Variants in NSG2 observed in about 807,000 individuals in gnomAD.
The protein encoded by NSG2 is neuronal vesicle trafficking associated 2, also known as neuronal vesicle trafficking-associated protein 2.
NSG2 carries 4 observed loss-of-function variants against 16.9 expected under a neutral mutation model. The observed-to-expected ratio is 0.24, with a 90% CI of 0.12 to 0.54. The LOEUF (loss-of-function observed/expected upper bound fraction) is 0.54. Ranked by LOEUF, NSG2 falls within the 20% of genes least tolerant of loss-of-function variation. The pLI, the probability that NSG2 is intolerant of heterozygous loss-of-function variation, is 0.95. For missense variants in NSG2, 179 were observed against 221.1 expected (o/e 0.81, Z 1.21); for synonymous variants, 98 against 88.7 (o/e 1.11, Z -0.59).
At chr5:174,106,399 C>G (rs1293948302) in intron 4 of NSG2, among the ~76,000 whole-genome samples, 1 of 151,924 alleles carries the variant, frequency 6.6e-6, no homozygotes, top group Admixed American at 6.6e-5. Flanking sequence ...GCATGTTCGC[C>G]TCACACCTTT....
chr5:174,067,123 G>A (rs775794900), intron 3 of NSG2, among the ~76,000 whole-genome samples: 3 of 151,698 alleles, frequency 2.0e-5, no homozygotes, highest in Non-Finnish European at 4.4e-5. Flanking sequence ...TTGGAGCTAT[G>A]AAAAATTACA....
intron 2 of NSG2, among the ~76,000 whole-genome samples, chr5:174,053,779 G>C (rs1055668371): frequency 6.6e-6 from 1 of 152,056 alleles, no homozygotes; most frequent in Non-Finnish European, 1.5e-5. Context: ...CTACCAAATT[G>C]GCACAAAAAA....
chr5:174,046,564 T>C (rs534404521), intron 1 of NSG2, 170 bp from the exon 2 acceptor site: 19 of 588,366 alleles, frequency 3.2e-5, no homozygotes, highest in Non-Finnish European at 4.7e-5. Flanking sequence ...AAAGAAGTTT[T>C]GTTGGACAAT....
At chr5:174,077,552 A>G (rs573899470) in intron 3 of NSG2, among the ~76,000 whole-genome samples, 6 of 152,236 alleles carry the variant, frequency 3.9e-5, no homozygotes, top group Admixed American at 3.9e-4. Flanking sequence ...TTCTACTCCG[A>G]ATGCTTTTCT....
At chr5:174,089,589 C>T (rs1031158080) in intron 3 of NSG2, among the ~76,000 whole-genome samples, 7 of 151,966 alleles carry the variant, frequency 4.6e-5, no homozygotes, top group African/African-American at 1.2e-4. Flanking sequence ...TCCTGACCCA[C>T]GAGGAAAGAA....
Position 174,107,514 on chromosome 5 carries a change from C to T in NSG2, c.*9C>T. 2 of 1,603,706 alleles carry T rather than the reference C, an allele frequency of 1.2e-6. No homozygotes were observed. The highest frequency in any genetic ancestry group is 1.7e-6 in the Non-Finnish European group (2 of 1,173,314). On this transcript the variant is annotated 3_prime_UTR_variant, in exon 5 of 5. Coordinates refer to ENST00000303177, the MANE Select transcript of NSG2 (RefSeq NM_015980.5). The surrounding 1 kb of genome is among the most constrained non-coding windows in gnomAD (Gnocchi z 4.5). ...AGACCCAGGGCCACTAGAGGCCTGC[C>T]CCAGCCAGAATGGGGGGCGGGGTGG...
At chr5:174,080,481 C>CTCT (rs1380995241) in intron 3 of NSG2, among the ~76,000 whole-genome samples, 29 of 149,872 alleles carry the variant, frequency 1.9e-4, no homozygotes, top group African/African-American at 6.6e-4. Context: ...CTTTCTTTCC[C>CTCT]TCTTTCTTTC....
In NSG2 at chr5:174,107,085, G is replaced by C. The variant is rs1760994993; in HGVS notation, c.325-229G>C. Among the ~76,000 whole-genome samples the C allele has an allele frequency of 6.6e-6, 1 of 152,144 alleles. No homozygotes were observed. Among genetic ancestry groups the C allele is most frequent in the African/African-American group, 2.4e-5 (1 of 41,428 alleles). ...TGCAGAGAAGGCTGGCCTTGAATCA[G>C]TGTCAATATCAGGTTCAGGTCGTCT... On this transcript the variant is annotated intron_variant, in intron 4 of 4. Coordinates refer to ENST00000303177, the MANE Select transcript of NSG2 (RefSeq NM_015980.5). The surrounding 1 kb of genome is among the most constrained non-coding windows in gnomAD (Gnocchi z 4.5).
intron 3 of NSG2, among the ~76,000 whole-genome samples, chr5:174,092,232 G>A (rs1398221998): frequency 6.6e-6 from 1 of 152,262 alleles, no homozygotes; most frequent in Non-Finnish European, 1.5e-5. Flanking sequence ...CCAGGAGATG[G>A]GAAGTCAGGG....
chr5:174,104,294 G>A lies in NSG2; in HGVS notation c.280G>A (p.Ala94Thr). The change falls in exon 4 of 5, where the codon GCC becomes ACC. Residue 94 changes from alanine (A) to threonine (T), a missense_variant. By Grantham distance (58) the Ala-to-Thr change is moderately conservative (BLOSUM62 0). Coordinates refer to ENST00000303177, the MANE Select transcript of NSG2 (RefSeq NM_015980.5). ...CATCGTGTTCCTGGTGGTTTACAAA[G>A]CCTTCACCTATGATCACAGCTGCCC... The part of the protein sequence containing the change: ...ACIVFLVVYK[A>T]FTYDHSCPEG... 1.9e-6 allele frequency: 3 copies of A among 1,614,156 alleles called. No individual in the cohort carries two copies. The highest frequency in any genetic ancestry group is 3.3e-4 in the Middle Eastern group (2 of 6,062).
chr5:174,059,135 T>G (rs1237245110), intron 2 of NSG2, among the ~76,000 whole-genome samples: 1 of 152,200 alleles, frequency 6.6e-6, no homozygotes, highest in Non-Finnish European at 1.5e-5. Flanking sequence ...AGTGGCATAT[T>G]TTTATGATAA....
chr5:174,054,307 G>A (rs531792498), intron 2 of NSG2, among the ~76,000 whole-genome samples: 12 of 152,326 alleles, frequency 7.9e-5, no homozygotes, highest in African/African-American at 2.9e-4. Flanking sequence ...GGGTAGGTGC[G>A]TTCCATTTGA....
At chr5:174,073,173 C>G (rs1760272435) in intron 3 of NSG2, among the ~76,000 whole-genome samples, 1 of 152,240 alleles carries the variant, frequency 6.6e-6, no homozygotes, top group Non-Finnish European at 1.5e-5. Flanking sequence ...CCTCATAACT[C>G]TCTTCCTGAT....
At position 174,072,571 on chromosome 5, in the gene NSG2, G is replaced by A. The variant is rs1488018552; in HGVS notation, c.213+8256G>A. Among the ~76,000 whole-genome samples, 3 of 152,254 alleles carry A rather than the reference G, an allele frequency of 2.0e-5. No individual in the cohort carries two copies. The highest frequency in any genetic ancestry group is 3.8e-4 in the East Asian group (2 of 5,200). On this transcript the variant is annotated intron_variant, in intron 3 of 4. Coordinates refer to ENST00000303177, the MANE Select transcript of NSG2 (RefSeq NM_015980.5). This position sits in a 1 kb window ranked among gnomAD's most constrained non-coding sequence, Gnocchi z 4.0. ...TTCTAGTACCAATTAAACAGAGTTG[G>A]CATCAGTGAGTTACCTACTAGGTCT...
chr5:174,095,422 T>A (rs1206699912), intron 3 of NSG2, among the ~76,000 whole-genome samples: 2 of 152,150 alleles, frequency 1.3e-5, no homozygotes, highest in Non-Finnish European at 2.9e-5. Flanking sequence ...CTTTCCTCTT[T>A]GGGCTTGTGG....
At position 174,108,542 on chromosome 5, in the gene NSG2, A is replaced by G. The variant is rs1324467871; in HGVS notation, c.*1037A>G. On this transcript the variant is annotated 3_prime_UTR_variant, in exon 5 of 5. Transcript: ENST00000303177. Reference sequence around the variant, plus strand: ...AGACCTGAAGGTTGGGGCCACCACAATGCCAAATCGTTTCTAAAGGAAGCT... The same window carrying G: ...AGACCTGAAGGTTGGGGCCACCACAGTGCCAAATCGTTTCTAAAGGAAGCT... The G allele has an allele frequency of 6.6e-6, 1 of 152,402 alleles. No individual in the cohort carries two copies. The highest frequency in any genetic ancestry group is 1.5e-5 in the Non-Finnish European group (1 of 68,076). The allele number at this position is 152,402 out of a possible 1,614,324, so 9.4% of individuals were successfully genotyped here.
chr5:174,069,836 C>G lies in NSG2; in HGVS notation c.213+5521C>G, dbSNP rs116449974. Reference sequence around the variant, plus strand: ...TGGTCTCTGGCTTCCCACAGTGATTCCTGGAGGCACGTGTTTGCTTGTTGG... The same window carrying G: ...TGGTCTCTGGCTTCCCACAGTGATTGCTGGAGGCACGTGTTTGCTTGTTGG... On this transcript the variant is annotated intron_variant, in intron 3 of 4. Transcript: ENST00000303177. 6.6e-3 allele frequency among the ~76,000 whole-genome samples: 995 copies of G among 149,980 alleles called. 11 individuals carry two copies. Among genetic ancestry groups the G allele is most frequent in the African/African-American group, 0.024 (958 of 40,684 alleles).
chr5:174,070,861 C>T (rs993125767), intron 3 of NSG2, among the ~76,000 whole-genome samples: 1 of 152,208 alleles, frequency 6.6e-6, no homozygotes, highest in Non-Finnish European at 1.5e-5. Context: ...TGGTGCATCT[C>T]TGTGTTCCCA....
At chr5:174,092,673 T>C (rs191105865) in intron 3 of NSG2, among the ~76,000 whole-genome samples, 1 of 152,400 alleles carries the variant, frequency 6.6e-6, no homozygotes, top group East Asian at 1.9e-4. Context: ...CATGACTCTC[T>C]TTCCTTTTGC....
Sources: allele counts gnomAD v4.1 joint callset (sites outside exome capture counted in the v4.1 genomes callset), GRCh38; gene constraint gnomAD v4.1.1; non-coding constraint Gnocchi (gnomAD v3.1); transcripts MANE v1.5; gene names NCBI Gene and HGNC (gene_info 2026-07-23, HGNC 2026-07-21).